The following KCNIP4 variants were observed in gnomAD, a reference collection of about 807,000 sequenced individuals.
KCNIP4 encodes potassium voltage-gated channel interacting protein 4, also known as Kv channel-interacting protein 4.
Under a neutral mutation model 34.0 loss-of-function variants are expected in KCNIP4, and 12 were observed. That is an observed-to-expected ratio of 0.35 (90% confidence interval 0.23 to 0.57). The LOEUF (loss-of-function observed/expected upper bound fraction) is 0.57, where lower values mean the gene tolerates loss of function less well. Among genes scored for constraint, KCNIP4 ranks in the 20% least tolerant of loss-of-function variants. The pLI is 0.83. For synonymous variants in KCNIP4, 124 were observed against 102.2 expected, an observed-to-expected ratio of 1.21 and a Z score of -1.29; for missense variants, 238 against 311.7, an observed-to-expected ratio of 0.76 and a Z score of 1.78.
intron 1 of KCNIP4, among the ~76,000 whole-genome samples, chr4:21,914,703 T>G (rs1728531315): frequency 6.6e-6 from 1 of 152,182 alleles, no homozygotes. Flanking sequence ...ATCACATACA[T>G]GTTAATTTGC....
At chr4:21,471,892 GACAA>G (rs71191508) in intron 1 of KCNIP4, among the ~76,000 whole-genome samples, 18,940 of 152,070 alleles carry the variant, frequency 0.12, 1,327 homozygotes, top group South Asian at 0.21. Flanking sequence ...TAAAACATCT[GACAA>G]ACCATTTAAT....
intron 1 of KCNIP4, among the ~76,000 whole-genome samples, chr4:21,283,942 G>A (rs530888243): frequency 3.2e-4 from 49 of 152,058 alleles, no homozygotes; most frequent in African/African-American, 1.1e-3. Context: ...GGCCGGGCAC[G>A]GTGGCTCACA....
chr4:20,748,582 A>G (rs1200565906), intron 5 of KCNIP4, among the ~76,000 whole-genome samples: 2 of 94,114 alleles, frequency 2.1e-5, no homozygotes, highest in Non-Finnish European at 5.1e-5. Flanking sequence ...ATATATATAT[A>G]TATATATATA....
At chr4:21,429,474 G>T (rs1330701988) in intron 1 of KCNIP4, among the ~76,000 whole-genome samples, 2 of 152,016 alleles carry the variant, frequency 1.3e-5, no homozygotes, top group Non-Finnish European at 2.9e-5. Flanking sequence ...GTAGACATAG[G>T]TTTTCAGCTC....
chr4:20,737,949 C>T lies in KCNIP4; in HGVS notation c.430-3214G>A, dbSNP rs556597319. Among the ~76,000 whole-genome samples, 5 of 152,138 alleles carry T rather than the reference C, an allele frequency of 3.3e-5. No homozygotes were observed. In the South Asian group the frequency reaches 1.0e-3, roughly 32 times the overall value. ...GAGTTTGCAAGCAGCCTGAGCAACG[C>T]AGCCAGATCCAAATTAACAGCAAGA... On this transcript the variant is annotated intron_variant, in intron 5 of 8. Transcript: ENST00000382152.
intron 1 of KCNIP4, among the ~76,000 whole-genome samples, chr4:21,040,758 C>G (rs145245370): frequency 1.1e-3 from 170 of 152,078 alleles, no homozygotes; most frequent in African/African-American, 4.0e-3. Flanking sequence ...AATGGGATCC[C>G]AGGCACCCAA....
chr4:21,671,103 C>G (rs1749468647), intron 1 of KCNIP4, among the ~76,000 whole-genome samples: 1 of 151,302 alleles, frequency 6.6e-6, no homozygotes, highest in Non-Finnish European at 1.5e-5. Context: ...TCAGAGTTGA[C>G]TGAGCACCAT....
At chr4:21,103,343 T>A (rs1054658531) in intron 1 of KCNIP4, among the ~76,000 whole-genome samples, 2 of 146,610 alleles carry the variant, frequency 1.4e-5, no homozygotes, top group Non-Finnish European at 3.0e-5. Flanking sequence ...TAATATATAA[T>A]ATACATATAA....
intron 1 of KCNIP4, among the ~76,000 whole-genome samples, chr4:21,327,688 C>T (rs1341203513): frequency 6.6e-6 from 1 of 152,014 alleles, no homozygotes; most frequent in Non-Finnish European, 1.5e-5. Flanking sequence ...CAGATTTGCC[C>T]TTTTGAGGCT....
At chr4:21,410,762 A>T (rs917559119) in intron 1 of KCNIP4, among the ~76,000 whole-genome samples, 1 of 152,192 alleles carries the variant, frequency 6.6e-6, no homozygotes, top group African/African-American at 2.4e-5. Context: ...TGTGGTACTT[A>T]TTTTTGCAGC....
chr4:20,870,663 T>G (rs1173847781), intron 2 of KCNIP4, among the ~76,000 whole-genome samples: 2 of 152,160 alleles, frequency 1.3e-5, no homozygotes, highest in Non-Finnish European at 2.9e-5. Context: ...CCTTTTATAC[T>G]CTTCCTGTTT....
At chr4:20,945,542 G>A (rs1480816178) in intron 1 of KCNIP4, among the ~76,000 whole-genome samples, 1 of 152,136 alleles carries the variant, frequency 6.6e-6, no homozygotes, top group Non-Finnish European at 1.5e-5. Context: ...TATGTCTACT[G>A]TTATATCCAA....
At chr4:20,980,175 T>C (rs890235297) in intron 1 of KCNIP4, among the ~76,000 whole-genome samples, 4 of 152,256 alleles carry the variant, frequency 2.6e-5, no homozygotes, top group African/African-American at 4.8e-5. Context: ...CTGCCTTGTT[T>C]AGTAAGTAGT....
intron 3 of KCNIP4, among the ~76,000 whole-genome samples, chr4:20,830,618 A>C (rs1718304823): frequency 6.6e-6 from 1 of 152,144 alleles, no homozygotes; most frequent in Non-Finnish European, 1.5e-5. Context: ...TTTTATAATT[A>C]CTCTGCCAAA....
intron 1 of KCNIP4, among the ~76,000 whole-genome samples, chr4:21,018,196 T>C (rs1002014163): frequency 2.0e-5 from 3 of 152,106 alleles, no homozygotes; most frequent in Non-Finnish European, 4.4e-5. Context: ...CTCTCTAAAC[T>C]CTCTCTTTTC....
chr4:21,046,818 C>T (rs1054719496), intron 1 of KCNIP4, among the ~76,000 whole-genome samples: 19 of 152,088 alleles, frequency 1.2e-4, no homozygotes, highest in African/African-American at 3.6e-4. Flanking sequence ...CTCGAACTTC[C>T]GACTTCAGGT....
At chr4:21,399,370 C>A (rs1560367830) in intron 1 of KCNIP4, among the ~76,000 whole-genome samples, 1 of 152,228 alleles carries the variant, frequency 6.6e-6, no homozygotes, top group African/African-American at 2.4e-5. Flanking sequence ...CAGGCATTGT[C>A]TGCAACCACC....
chr4:20,879,583 T>C (rs568402871), intron 2 of KCNIP4, among the ~76,000 whole-genome samples: 3 of 152,340 alleles, frequency 2.0e-5, no homozygotes, highest in African/African-American at 7.2e-5. Context: ...TCTATGGTTC[T>C]TCATGCAGAA....
rs184799795 is a variant in KCNIP4, at chr4:21,606,447, G to A, written c.61+342124C>T. Among the ~76,000 whole-genome samples, 597 of 152,226 alleles carry A rather than the reference G, an allele frequency of 3.9e-3. 3 individuals carry two copies. The highest frequency in any genetic ancestry group is 0.017 in the Middle Eastern group (5 of 294). ...CAAACTTAGTGGCTTCCAAAATTGCGAATGTATTACCTTTTAGCTCTAGAG... is the reference window on the plus strand; with the variant it reads ...CAAACTTAGTGGCTTCCAAAATTGCAAATGTATTACCTTTTAGCTCTAGAG... On this transcript the variant is annotated intron_variant, in intron 1 of 8. Coordinates refer to ENST00000382152, the MANE Select transcript of KCNIP4 (RefSeq NM_025221.6).
Sources: allele counts gnomAD v4.1 joint callset (sites outside exome capture counted in the v4.1 genomes callset), GRCh38; gene constraint gnomAD v4.1.1; transcripts MANE v1.5; gene names NCBI Gene and HGNC (gene_info 2026-07-23, HGNC 2026-07-21).